Variants in HIBCH observed in about 807,000 individuals in gnomAD.
The protein encoded by HIBCH is 3-hydroxyisobutyryl-CoA hydrolase, mitochondrial.
HIBCH carries 50 observed loss-of-function variants against 58.2 expected under a neutral mutation model. The ratio of observed to expected loss-of-function variants is 0.86; its 90% CI spans 0.68 to 1.09. The LOEUF (loss-of-function observed/expected upper bound fraction) is 1.09, where lower values mean the gene tolerates loss of function less well. HIBCH is among the 50% of genes least tolerant of loss of function. The pLI, the probability that HIBCH is intolerant of heterozygous loss-of-function variation, is 0.00. For missense variants in HIBCH, 450 were observed against 449.7 expected (o/e 1.00, Z -0.01); for synonymous variants, 151 against 146.9 (o/e 1.03, Z -0.20).
chr2:190,247,497 G>T (rs1266187512), intron 9 of HIBCH, among the ~76,000 whole-genome samples: 1 of 152,114 alleles, frequency 6.6e-6, no homozygotes, highest in Admixed American at 6.6e-5. Context: ...ATGTTCTTCA[G>T]TTCTGGGTAA....
At chr2:190,309,712 T>C (rs1688509935) in intron 2 of HIBCH, among the ~76,000 whole-genome samples, 1 of 151,916 alleles carries the variant, frequency 6.6e-6, no homozygotes, top group South Asian at 2.1e-4. Flanking sequence ...CCCGCCACCA[T>C]GTCCGGCTAA....
intron 9 of HIBCH, among the ~76,000 whole-genome samples, chr2:190,249,022 A>G (rs1379271289): frequency 2.0e-5 from 3 of 152,196 alleles, no homozygotes. Flanking sequence ...GGTTTAAGTT[A>G]GCAGCACTCA....
intron 8 of HIBCH, chr2:190,250,484 A>G: frequency 2.4e-6 from 1 of 409,902 alleles, no homozygotes; most frequent in South Asian, 1.9e-5. Flanking sequence ...CAGCCCTGAG[A>G]ATGTCTGTCT....
At chr2:190,239,527 T>G (rs1047205820) in intron 11 of HIBCH, among the ~76,000 whole-genome samples, 2 of 152,202 alleles carry the variant, frequency 1.3e-5, no homozygotes, top group African/African-American at 2.4e-5. Flanking sequence ...GGAATAGCAC[T>G]GAATCTAAAA....
downstream of HIBCH, chr2:190,199,967 C>CTAGGATGGCTTCTCCAGT (rs764131636): frequency 6.2e-7 from 1 of 1,614,066 alleles, no homozygotes; most frequent in Non-Finnish European, 8.5e-7. Flanking sequence ...AGATGTCTAC[C>CTAGGATGGCTTCTCCAGT]TAGGATGGCT....
intron 6 of HIBCH, among the ~76,000 whole-genome samples, chr2:190,262,434 A>G (rs1271156325): frequency 1.3e-5 from 2 of 152,092 alleles, no homozygotes; most frequent in South Asian, 4.1e-4. Flanking sequence ...ATGTCTCTTC[A>G]CCACATTTTC....
intron 11 of HIBCH, among the ~76,000 whole-genome samples, chr2:190,222,811 C>T (rs1685760028): frequency 6.6e-6 from 1 of 152,210 alleles, no homozygotes; most frequent in Non-Finnish European, 1.5e-5. Context: ...ACGAGAAAGA[C>T]ACATGCACAC....
At chr2:190,219,562 C>G (rs1046585698) in intron 11 of HIBCH, among the ~76,000 whole-genome samples, 1 of 152,158 alleles carries the variant, frequency 6.6e-6, no homozygotes, top group Non-Finnish European at 1.5e-5. Context: ...CAACTTAGGT[C>G]ATAAGTCAAA....
chr2:190,275,785 A>G (rs1159415387), intron 6 of HIBCH, among the ~76,000 whole-genome samples: 1 of 152,226 alleles, frequency 6.6e-6, no homozygotes, highest in Non-Finnish European at 1.5e-5. Flanking sequence ...TATCTTGTTC[A>G]TGCCCTAATT....
chr2:190,261,009 T>C (rs1438078303), intron 7 of HIBCH, 147 bp downstream of exon 7: 2 of 657,432 alleles, frequency 3.0e-6, no homozygotes, highest in Non-Finnish European at 2.7e-6. Flanking sequence ...CTTCAAAGTA[T>C]CTTCCTATTT....
intron 1 of HIBCH, among the ~76,000 whole-genome samples, chr2:190,195,355 G>C (rs1384260544): frequency 6.6e-6 from 1 of 152,156 alleles, no homozygotes; most frequent in Admixed American, 6.5e-5. Flanking sequence ...CAGAACTGCT[G>C]GATCATACAG....
intron 11 of HIBCH, among the ~76,000 whole-genome samples, chr2:190,226,429 C>A (rs1322290267): frequency 6.6e-6 from 1 of 152,030 alleles, no homozygotes; most frequent in Non-Finnish European, 1.5e-5. Context: ...AACACCATCT[C>A]TACTAAAAAT....
intron 8 of HIBCH, among the ~76,000 whole-genome samples, chr2:190,250,936 G>T (rs1443472360): frequency 6.6e-6 from 1 of 152,156 alleles, no homozygotes; most frequent in East Asian, 1.9e-4. Flanking sequence ...CAAAGAGGAC[G>T]TGTGAGAATA....
intron 2 of HIBCH, among the ~76,000 whole-genome samples, chr2:190,308,948 T>C (rs551572742): frequency 2.6e-5 from 4 of 152,284 alleles, no homozygotes; most frequent in African/African-American, 9.6e-5. Flanking sequence ...CTGTGTGACA[T>C]TTGGGCATGT....
At chr2:190,273,850 C>G (rs968875443) in intron 6 of HIBCH, among the ~76,000 whole-genome samples, 10 of 151,950 alleles carry the variant, frequency 6.6e-5, no homozygotes, top group African/African-American at 2.4e-4. Context: ...TTTCCTGCGG[C>G]AGGGTCTCAG....
rs182643811 is a variant in HIBCH at position 190,315,108 on chromosome 2, C to T, written c.36-4312G>A. ...GACTACAGGTGCCTGCCACCATGCC[C>T]GGCTAATTTTTTGTATTTTTAGTAG... On this transcript the variant is annotated intron_variant, in intron 1 of 13. Transcript: ENST00000359678. This position sits in a 1 kb window ranked among gnomAD's most constrained non-coding sequence, Gnocchi z 5.4. 2.0e-5 allele frequency among the ~76,000 whole-genome samples: 3 copies of T among 152,014 alleles called. No homozygotes were observed. The highest frequency in any genetic ancestry group is 1.9e-4 in the East Asian group (1 of 5,156).
Position 190,261,151 on chromosome 2 carries a change from T to C in HIBCH, c.517+5A>G. The C allele has an allele frequency of 6.2e-7, 1 of 1,609,404 alleles. No homozygotes were observed. The highest frequency in any genetic ancestry group is 8.5e-7 in the Non-Finnish European group (1 of 1,176,024). The stretch of plus-strand genomic sequence containing the variant: ...GTAATTATAAAAAAAATTCTGGTTG[T>C]TTACCTATTGCAGTTTCTGGCATAG... On this transcript the variant is annotated splice_donor_5th_base_variant and intron_variant, in intron 7 of 13. Transcript: ENST00000359678.
chr2:190,317,001 T>G (rs1339613734), intron 1 of HIBCH, among the ~76,000 whole-genome samples: 1 of 152,212 alleles, frequency 6.6e-6, no homozygotes, highest in African/African-American at 2.4e-5. Flanking sequence ...ACTGTAAACT[T>G]GAACTCTGTG....
chr2:190,253,585 AG>A (rs1044425828), intron 7 of HIBCH, among the ~76,000 whole-genome samples: 3 of 152,120 alleles, frequency 2.0e-5, no homozygotes, highest in African/African-American at 7.2e-5. Flanking sequence ...AATCCCCATC[AG>A]TGACCACATC....
Sources: gnomAD v4.1 joint callset for allele counts (sites outside exome capture counted in the v4.1 genomes callset) on GRCh38, gnomAD v4.1.1 for gene constraint, Gnocchi (gnomAD v3.1) non-coding constraint, MANE v1.5 for transcripts, NCBI Gene and HGNC (gene_info 2026-07-23, HGNC 2026-07-21) for gene names.